SLC16A7: variants seen among roughly 807,000 people sequenced by gnomAD.
SLC16A7 encodes solute carrier family 16 member 7, also known as monocarboxylate transporter 2.
In SLC16A7, 33 loss-of-function variants were observed where a neutral mutation model predicts 34.9. The observed-to-expected ratio is 0.94, with a 90% CI of 0.72 to 1.26. SLC16A7 has a LOEUF of 1.26. SLC16A7 is among the 50% of genes most tolerant of loss of function. The probability of loss-of-function intolerance (pLI) is 0.00; values close to 1 mark genes in which losing one functional copy is unlikely to be tolerated. For synonymous variants in SLC16A7, 201 were observed against 206.6 expected, an observed-to-expected ratio of 0.97 and a Z score of 0.23; for missense variants, 573 against 578.1, an observed-to-expected ratio of 0.99 and a Z score of 0.09.
Position 59,675,742 on chromosome 12 carries a change from T to C in SLC16A7, c.-31+20492T>C, listed in dbSNP as rs577761810. Among the ~76,000 whole-genome samples the C allele has an allele frequency of 5.9e-5, 9 of 152,272 alleles. No individual in the cohort carries two copies. In the South Asian group the frequency reaches 1.9e-3, roughly 32 times the overall value. ...GTGTAGGGATTATACATTAATGAAC[T>C]ATGCTTCTGATATAAAAAAATTTTT... On this transcript the variant is annotated intron_variant, in intron 2 of 5. Transcript: ENST00000547379.
intron 3 of SLC16A7, among the ~76,000 whole-genome samples, chr12:59,724,047 T>C (rs1875945189): frequency 6.6e-6 from 1 of 152,064 alleles, no homozygotes; most frequent in South Asian, 2.1e-4. Flanking sequence ...TTGATATATG[T>C]ATAGTATATG....
chr12:59,674,342 C>T lies in SLC16A7; in HGVS notation c.-31+19092C>T, dbSNP rs541900761. On this transcript the variant is annotated intron_variant, in intron 2 of 5. Coordinates refer to ENST00000547379, the MANE Select transcript of SLC16A7 (RefSeq NM_001270623.2). ...TCTTTGTACCCCTAGTGCTAGCACACTGGACTTCTGCCACATAGGAGCTGT... is the reference window on the plus strand; with the variant it reads ...TCTTTGTACCCCTAGTGCTAGCACATTGGACTTCTGCCACATAGGAGCTGT... Among the ~76,000 whole-genome samples, 5 of 152,278 alleles carry T rather than the reference C, an allele frequency of 3.3e-5. No homozygotes were observed. In the South Asian group the frequency reaches 1.0e-3, roughly 32 times the overall value.
intron 1 of SLC16A7, among the ~76,000 whole-genome samples, chr12:59,609,313 C>A (rs1879087037): frequency 6.6e-6 from 1 of 152,196 alleles, no homozygotes; most frequent in Non-Finnish European, 1.5e-5. Flanking sequence ...TGGTTGTTGA[C>A]AAAAATCCGT....
In SLC16A7 at chr12:59,694,795, G is replaced by T. The variant is rs186579715; in HGVS notation, c.-30-9977G>T. On this transcript the variant is annotated intron_variant, in intron 2 of 5. Coordinates refer to ENST00000547379, the MANE Select transcript of SLC16A7 (RefSeq NM_001270623.2). Reference sequence around the variant, plus strand: ...TTTTTAAAACTAAAGATTAGTAAATGCATTGTATAAATATATCTGCATAAG... The same window carrying T: ...TTTTTAAAACTAAAGATTAGTAAATTCATTGTATAAATATATCTGCATAAG... Among the ~76,000 whole-genome samples, 95 of 151,940 alleles carry T rather than the reference G, an allele frequency of 6.3e-4. 1 individual carries two copies. The East Asian group carries it at 0.016, about 25-fold the overall frequency.
chr12:59,660,019 C>A (rs1868754348), intron 2 of SLC16A7, among the ~76,000 whole-genome samples: 2 of 152,068 alleles, frequency 1.3e-5, no homozygotes, highest in South Asian at 4.1e-4. Flanking sequence ...CCCAACTCTT[C>A]TAATACTAAA....
chr12:59,699,018 G>A (rs981377415), intron 2 of SLC16A7, among the ~76,000 whole-genome samples: 1 of 151,660 alleles, frequency 6.6e-6, no homozygotes, highest in Non-Finnish European at 1.5e-5. Flanking sequence ...TGAAGCTATA[G>A]CAGAGTATTC....
chr12:59,774,556 T>C, intron 4 of SLC16A7, 101 bp from the exon 5 acceptor site: 1 of 680,030 alleles, frequency 1.5e-6, no homozygotes, highest in East Asian at 2.6e-5. Context: ...GCGTTTTTAA[T>C]TCTGCCTTTC....
intron 2 of SLC16A7, among the ~76,000 whole-genome samples, chr12:59,700,394 T>C (rs2137124531): frequency 6.6e-6 from 1 of 151,190 alleles, no homozygotes. Context: ...TAATATTAAA[T>C]TTAAAAACTG....
At chr12:59,662,234 G>A (rs1160823513) in intron 2 of SLC16A7, among the ~76,000 whole-genome samples, 3 of 151,946 alleles carry the variant, frequency 2.0e-5, no homozygotes, top group East Asian at 1.9e-4. Flanking sequence ...GTTACAATGC[G>A]AAAAACATCA....
At chr12:59,763,174 GTATATCTATAGATGAA>G (rs1393210607) in intron 3 of SLC16A7, among the ~76,000 whole-genome samples, 1 of 151,986 alleles carries the variant, frequency 6.6e-6, no homozygotes, top group African/African-American at 2.4e-5. Context: ...TAGGCATCCT[GTATATCTATAGATGAA>G]TAATTTTTAG....
At chr12:59,774,108 A>C (rs1169305990) in intron 4 of SLC16A7, among the ~76,000 whole-genome samples, 1 of 152,206 alleles carries the variant, frequency 6.6e-6, no homozygotes, top group Admixed American at 6.5e-5. Flanking sequence ...GTGGACTGTG[A>C]GGGATGTACA....
At chr12:59,748,449 C>G (rs1370351858) in intron 3 of SLC16A7, among the ~76,000 whole-genome samples, 1 of 152,142 alleles carries the variant, frequency 6.6e-6, no homozygotes, top group Non-Finnish European at 1.5e-5. Flanking sequence ...TGACACTTAT[C>G]TCTATGTGAG....
chr12:59,708,968 TCAAA>T (rs1188804319), intron 3 of SLC16A7, among the ~76,000 whole-genome samples: 4 of 151,562 alleles, frequency 2.6e-5, no homozygotes, highest in Non-Finnish European at 5.9e-5. Context: ...AGCAAATAGG[TCAAA>T]CAGTGTGGTC....
intron 1 of SLC16A7, among the ~76,000 whole-genome samples, chr12:59,609,342 T>A (rs1454750352): frequency 6.6e-6 from 1 of 152,244 alleles, no homozygotes; most frequent in East Asian, 1.9e-4. Context: ...GTTGACAGAC[T>A]TCAGTCTTCC....
At chr12:59,726,239 C>T (rs905585248) in intron 3 of SLC16A7, among the ~76,000 whole-genome samples, 3 of 151,992 alleles carry the variant, frequency 2.0e-5, no homozygotes, top group African/African-American at 2.4e-5. Flanking sequence ...TTAAAAGTGA[C>T]GTGAGACTCT....
intron 1 of SLC16A7, among the ~76,000 whole-genome samples, chr12:59,604,436 T>C (rs1878837055): frequency 6.6e-6 from 1 of 152,238 alleles, no homozygotes; most frequent in African/African-American, 2.4e-5. Flanking sequence ...TACTCTTTTA[T>C]AGATTAATGC....
chr12:59,770,047 G>A (rs1211751602), intron 3 of SLC16A7, among the ~76,000 whole-genome samples: 1 of 151,960 alleles, frequency 6.6e-6, no homozygotes, highest in Non-Finnish European at 1.5e-5. Context: ...AGTACACCAA[G>A]AAAGAAAATA....
At chr12:59,619,133 A>G (rs1479150669) in intron 1 of SLC16A7, among the ~76,000 whole-genome samples, 1 of 152,082 alleles carries the variant, frequency 6.6e-6, no homozygotes, top group East Asian at 1.9e-4. Context: ...ATTCGAATGA[A>G]CATTTAGCCT....
At chr12:59,615,123 G>T (rs143790719) in intron 1 of SLC16A7, among the ~76,000 whole-genome samples, 1 of 152,056 alleles carries the variant, frequency 6.6e-6, no homozygotes, top group Non-Finnish European at 1.5e-5. Context: ...TCAGTAGGAC[G>T]CAGCAACAAA....
Sources: gnomAD v4.1 joint callset for allele counts (sites outside exome capture counted in the v4.1 genomes callset) on GRCh38, gnomAD v4.1.1 for gene constraint, MANE v1.5 for transcripts, NCBI Gene and HGNC (gene_info 2026-07-23, HGNC 2026-07-21) for gene names.